The following KCNK2 variants were observed in gnomAD, a reference collection of about 807,000 sequenced individuals.
The protein encoded by KCNK2 is potassium channel subfamily K member 2.
Under a neutral mutation model 40.5 loss-of-function variants are expected in KCNK2, and 21 were observed. The ratio of observed to expected loss-of-function variants is 0.52; its 90% CI spans 0.37 to 0.75. The LOEUF (loss-of-function observed/expected upper bound fraction) is 0.75. KCNK2 is among the 30% of genes least tolerant of loss of function. The pLI is 0.00. For missense variants in KCNK2, 399 were observed against 531.6 expected, an observed-to-expected ratio of 0.75 and a Z score of 2.45; for synonymous variants, 191 against 202.2, an observed-to-expected ratio of 0.94 and a Z score of 0.47.
chr1:215,099,171 T>C (rs1463183931), intron 2 of KCNK2, among the ~76,000 whole-genome samples: 1 of 151,882 alleles, frequency 6.6e-6, no homozygotes, highest in African/African-American at 2.4e-5. Flanking sequence ...CAGCCCATCT[T>C]CCATCCTCTG....
chr1:215,208,225 G>A (rs1217572827), intron 6 of KCNK2, among the ~76,000 whole-genome samples: 2 of 152,100 alleles, frequency 1.3e-5, no homozygotes, highest in African/African-American at 4.8e-5. Flanking sequence ...GATGGAGCTG[G>A]AGGATATTAT....
intron 6 of KCNK2, among the ~76,000 whole-genome samples, chr1:215,215,091 C>T (rs541610038): frequency 6.6e-6 from 1 of 152,050 alleles, no homozygotes; most frequent in African/African-American, 2.4e-5. Context: ...CTTTGAGAAA[C>T]TTTGTTATGA....
intron 3 of KCNK2, among the ~76,000 whole-genome samples, chr1:215,168,229 A>G (rs1053295772): frequency 9.2e-5 from 14 of 152,202 alleles, no homozygotes; most frequent in African/African-American, 3.4e-4. Context: ...GCTGTGGAGA[A>G]ATAGGAACAC....
At chr1:215,042,596 GAACA>G (rs1657607204) in intron 1 of KCNK2, among the ~76,000 whole-genome samples, 1 of 152,172 alleles carries the variant, frequency 6.6e-6, no homozygotes, top group African/African-American at 2.4e-5. Context: ...AGAGTAGAAA[GAACA>G]AACACTCTGT....
intron 6 of KCNK2, among the ~76,000 whole-genome samples, chr1:215,218,835 G>A (rs1200129555): frequency 6.6e-6 from 1 of 152,134 alleles, no homozygotes; most frequent in Non-Finnish European, 1.5e-5. Context: ...ATGTACTACT[G>A]TTTCTGTACT....
At chr1:215,096,080 T>C (rs1204508254) in intron 2 of KCNK2, among the ~76,000 whole-genome samples, 1 of 152,046 alleles carries the variant, frequency 6.6e-6, no homozygotes, top group African/African-American at 2.4e-5. Context: ...TCTTGCTTGC[T>C]AGCATTCACA....
intron 6 of KCNK2, among the ~76,000 whole-genome samples, chr1:215,209,414 T>TTATATAAAATATATATTA (rs1665492553): frequency 7.9e-5 from 2 of 25,348 alleles, no homozygotes; most frequent in Non-Finnish European, 1.3e-4. Flanking sequence ...TATGCATATA[T>TTATATAAAATATATATTA]TATATATAAT....
intron 1 of KCNK2, among the ~76,000 whole-genome samples, chr1:215,062,248 G>T (rs1658385850): frequency 6.6e-6 from 1 of 152,128 alleles, no homozygotes; most frequent in Non-Finnish European, 1.5e-5. Context: ...AAGAGTCTGG[G>T]CTTTAATTTA....
rs765335645 is a variant in KCNK2 at position 215,235,045 on chromosome 1, A to C, written c.1181A>C (p.Asp394Ala). 9 of 1,613,984 alleles carry C rather than the reference A, an allele frequency of 5.6e-6. No individual in the cohort carries two copies. In the East Asian group the frequency reaches 2.0e-4, roughly 36 times the overall value. Residue 394 changes from aspartate (D) to alanine (A), a missense_variant, in exon 7 of 7, where the codon GAT becomes GCT. Coordinates refer to ENST00000444842, the MANE Select transcript of KCNK2 (RefSeq NM_001017425.3). ...LSVNHLTSERDVLPPLLKTES... is the reference protein window; with the variant it reads ...LSVNHLTSERAVLPPLLKTES... The stretch of plus-strand genomic sequence containing the variant: ...GTGAACCACCTGACCAGCGAGAGGG[A>C]TGTCTTGCCTCCCTTACTGAAGACT...
chr1:215,024,316 C>T (rs1158360419), intron 1 of KCNK2, among the ~76,000 whole-genome samples: 2 of 152,178 alleles, frequency 1.3e-5, no homozygotes, highest in African/African-American at 2.4e-5. Flanking sequence ...TAGGACCCTC[C>T]CTGATGTCAA....
intron 6 of KCNK2, among the ~76,000 whole-genome samples, chr1:215,219,062 C>A (rs923677521): frequency 2.0e-5 from 3 of 152,106 alleles, no homozygotes; most frequent in African/African-American, 7.2e-5. Flanking sequence ...CTTCGTCATG[C>A]AGTTTATTTT....
intron 2 of KCNK2, among the ~76,000 whole-genome samples, chr1:215,122,740 CTT>C (rs564207038): frequency 1.2e-4 from 14 of 120,354 alleles, no homozygotes; most frequent in Non-Finnish European, 2.1e-4. Flanking sequence ...CATTCATAAT[CTT>C]TTTTTTTTTT....
At chr1:215,058,213 A>G (rs1192999132) in intron 1 of KCNK2, among the ~76,000 whole-genome samples, 1 of 152,024 alleles carries the variant, frequency 6.6e-6, no homozygotes, top group Non-Finnish European at 1.5e-5. Flanking sequence ...AATACTTGCA[A>G]TTCACTGGTT....
chr1:215,098,986 A>G (rs1660093725), intron 2 of KCNK2, among the ~76,000 whole-genome samples: 1 of 151,868 alleles, frequency 6.6e-6, no homozygotes, highest in Admixed American at 6.6e-5. Context: ...TTTTTCTTTT[A>G]TGGATAAATT....
chr1:215,174,244 T>C (rs967848517), intron 5 of KCNK2, among the ~76,000 whole-genome samples: 2 of 152,230 alleles, frequency 1.3e-5, no homozygotes, highest in African/African-American at 4.8e-5. Flanking sequence ...TCCCCATTTC[T>C]TGTTTTTGTC....
At chr1:215,134,620 C>T (rs548662806) in intron 3 of KCNK2, among the ~76,000 whole-genome samples, 4 of 152,148 alleles carry the variant, frequency 2.6e-5, no homozygotes, top group Admixed American at 1.3e-4. Flanking sequence ...TGGAGAATTG[C>T]GATGGGGCTG....
At chr1:215,160,834 G>C (rs1325751274) in intron 3 of KCNK2, among the ~76,000 whole-genome samples, 2 of 151,908 alleles carry the variant, frequency 1.3e-5, no homozygotes, top group African/African-American at 2.4e-5. Context: ...TCTAGTTCAG[G>C]TTGCTCTTGG....
chr1:215,081,812 C>T (rs1338745643), upstream of KCNK2: 1 of 152,132 alleles, frequency 6.6e-6, no homozygotes, highest in Non-Finnish European at 1.5e-5. Flanking sequence ...GAGAATTCGC[C>T]TATTACGACG....
chr1:215,045,368 G>A (rs555028521), intron 1 of KCNK2, among the ~76,000 whole-genome samples: 6 of 152,270 alleles, frequency 3.9e-5, no homozygotes, highest in African/African-American at 1.4e-4. Flanking sequence ...ATTTGTCTGG[G>A]TCTTTGTACT....
Sources: gnomAD v4.1 joint callset for allele counts (sites outside exome capture counted in the v4.1 genomes callset) on GRCh38, gnomAD v4.1.1 for gene constraint, MANE v1.5 for transcripts, NCBI Gene and HGNC (gene_info 2026-07-23, HGNC 2026-07-21) for gene names.